POLE: variants seen among roughly 807,000 people sequenced by gnomAD.
POLE encodes DNA polymerase epsilon, catalytic subunit, also known as DNA polymerase epsilon catalytic subunit A.
Under a neutral mutation model 279.2 loss-of-function variants are expected in POLE, and 188 were observed. That is an observed-to-expected ratio of 0.67 (90% CI 0.60 to 0.76). The LOEUF is 0.76. POLE is among the 30% of genes least tolerant of loss of function. POLE has a pLI of 0.00. For synonymous variants in POLE, 1,214 were observed against 1,172.5 expected (o/e 1.04, Z -0.72); for missense variants, 2,703 against 3,016.7 (o/e 0.90, Z 2.44).
chr12:132,676,750 T>TA (rs1188577631), intron 8 of POLE, 97 bp from the exon 9 acceptor site: 1 of 756,650 alleles, frequency 1.3e-6, no homozygotes, highest in Non-Finnish European at 2.3e-6. Flanking sequence ...CTCTGGTTGT[T>TA]AAAAGAGTCA....
intron 31 of POLE, 52 bp downstream of exon 31, chr12:132,649,254 T>A: frequency 6.3e-7 from 1 of 1,576,612 alleles, no homozygotes; most frequent in Non-Finnish European, 8.7e-7. Flanking sequence ...GGACACCCCC[T>A]CCCTGGGCCA....
intron 19 of POLE, 84 bp from the exon 20 acceptor site, chr12:132,667,732 T>C (rs1293536251): frequency 7.7e-6 from 11 of 1,421,764 alleles, no homozygotes; most frequent in Admixed American, 3.5e-5. Flanking sequence ...CTGAAGAACA[T>C]GGCTTCTACG....
intron 31 of POLE, 89 bp from the exon 32 acceptor site, chr12:132,649,161 C>A (rs1312004527): frequency 3.9e-6 from 6 of 1,536,562 alleles, no homozygotes; most frequent in Non-Finnish European, 5.3e-6. Context: ...CAGCTCCCAG[C>A]ACAGGGCCTT....
rs1411134935 is a variant in POLE at position 132,642,623 on chromosome 12, C to G, written c.4835G>C (p.Cys1612Ser). 2 of 1,613,348 alleles carry G rather than the reference C, an allele frequency of 1.2e-6. No individual in the cohort carries two copies. Among genetic ancestry groups the G allele is most frequent in the Non-Finnish European group, 1.7e-6 (2 of 1,180,046 alleles). Residue 1612 changes from cysteine to serine, a missense_variant, in exon 37 of 49, where the codon TGT becomes TCT. By Grantham distance (112) the Cys-to-Ser change is moderately radical (BLOSUM62 -1). This residue lies in a region of POLE where 1,551 missense variants were observed against 1,686.1 expected (regional missense o/e 0.92). Coordinates refer to ENST00000320574, the MANE Select transcript of POLE (RefSeq NM_006231.4). ...CCCATAGTTGATCTTGTCAGCCACA[C>G]AGATAGGCACCAGTGGGAATTCCTC... ...VLEEFPLVPICVADKINYGVL... is the reference protein window; with the variant it reads ...VLEEFPLVPISVADKINYGVL...
Position 132,660,950 on chromosome 12 carries a change from G to A in POLE, c.3060+19C>T, listed in dbSNP as rs2138688104. On this transcript the variant is annotated intron_variant, in intron 25 of 48. Coordinates refer to ENST00000320574, the MANE Select transcript of POLE (RefSeq NM_006231.4). ...CCTTCATCCCTCAGAGCAGGTGAGG[G>A]TGGAGGGTAGGCCTTTACCTTGCTG... is the stretch of plus-strand genomic sequence containing the variant. 2 of 1,571,290 alleles carry A rather than the reference G, an allele frequency of 1.3e-6. No homozygotes were observed. Among genetic ancestry groups the A allele is most frequent in the East Asian group, 2.3e-5 (1 of 44,370 alleles).
At chr12:132,678,982 G>T (rs2043112281) in intron 6 of POLE, among the ~76,000 whole-genome samples, 2 of 152,242 alleles carry the variant, frequency 1.3e-5, no homozygotes, top group African/African-American at 4.8e-5. Context: ...TCTTTTGTCA[G>T]AGGGTAAGGT....
In POLE at chr12:132,659,484, A is replaced by G. The variant is rs1228020822; in HGVS notation, c.3086T>C (p.Leu1029Pro). 1 of 1,614,182 alleles carries G rather than the reference A, an allele frequency of 6.2e-7. No individual in the cohort carries two copies. Among genetic ancestry groups the G allele is most frequent in the Non-Finnish European group, 8.5e-7 (1 of 1,180,040 alleles). ...SKAANMPDSELFELISENRSM... is the reference protein window; with the variant it reads ...SKAANMPDSEPFELISENRSM... ...ACGGTTCTCAGAGATGAGCTCGAAT[A>G]GCTCAGAGTCAGGCATGTTGGCTGC... The change falls in exon 26 of 49, where the codon CTA becomes CCA. Residue 1029 changes from leucine (L) to proline (P), a missense_variant. By Grantham distance (98) the Leu-to-Pro change is moderately conservative. This residue lies in a region of POLE where 1,551 missense variants were observed against 1,686.1 expected (regional missense o/e 0.92). Transcript: ENST00000320574.
Position 132,634,790 on chromosome 12 carries a change from C to T in POLE, c.5812-412G>A, listed in dbSNP as rs901895018. 4.6e-5 allele frequency among the ~76,000 whole-genome samples: 7 copies of T among 152,198 alleles called. No homozygotes were observed. The highest frequency in any genetic ancestry group is 1.7e-4 in the African/African-American group (7 of 41,446). On this transcript the variant is annotated intron_variant, in intron 42 of 48. Coordinates refer to ENST00000320574, the MANE Select transcript of POLE (RefSeq NM_006231.4). The surrounding 1 kb of genome is among the most constrained non-coding windows in gnomAD (Gnocchi z 4.0). ...CGCGCAGCCTGTGTTCGTGCCACGGCACCATCCACGTCTGTGTAGACACCG... is the reference window on the plus strand; with the variant it reads ...CGCGCAGCCTGTGTTCGTGCCACGGTACCATCCACGTCTGTGTAGACACCG...
chr12:132,628,309 C>T (rs557619826), intron 45 of POLE, among the ~76,000 whole-genome samples: 1 of 151,720 alleles, frequency 6.6e-6, no homozygotes, highest in South Asian at 2.1e-4. Flanking sequence ...CACTGCACTC[C>T]AGCCTGGGCG....
At chr12:132,657,819 T>C (rs2042579214) in intron 27 of POLE, 49 bp downstream of exon 27, 1 of 1,285,186 alleles carries the variant, frequency 7.8e-7, no homozygotes, top group African/African-American at 1.5e-5. Flanking sequence ...CTGCTCTGTC[T>C]AGCTTTCCTT....
chr12:132,631,117 G>C (rs5745048), intron 45 of POLE, among the ~76,000 whole-genome samples: 3 of 152,194 alleles, frequency 2.0e-5, no homozygotes, highest in East Asian at 3.8e-4. Context: ...GACACTGCTC[G>C]CAACAGAAAG....
In POLE at chr12:132,675,804, C is replaced by T. The variant is rs1565975676; in HGVS notation, c.1037G>A (p.Arg346Lys). ...NEPDEAHLIQ[R>K]WFEHVQETKP... Reference sequence around the variant, plus strand: ...GGTCTCCTGGACGTGTTCAAACCACCTTTGGATCAGATGAGCCTGAACCCA... The same window carrying T: ...GGTCTCCTGGACGTGTTCAAACCACTTTTGGATCAGATGAGCCTGAACCCA... The change falls in exon 11 of 49, where the codon AGG (arginine) becomes AAG (lysine). Residue 346 changes from arginine (R) to lysine (K), a missense_variant. Coordinates refer to ENST00000320574, the MANE Select transcript of POLE (RefSeq NM_006231.4). The surrounding 1 kb of genome is among the most constrained non-coding windows in gnomAD (Gnocchi z 4.3). 1.9e-6 allele frequency: 3 copies of T among 1,614,114 alleles called. No individual in the cohort carries two copies. The highest frequency in any genetic ancestry group is 2.2e-5 in the East Asian group (1 of 44,882).
intron 29 of POLE, among the ~76,000 whole-genome samples, chr12:132,655,992 G>C (rs930244877): frequency 1.8e-4 from 28 of 151,548 alleles, no homozygotes; most frequent in Non-Finnish European, 3.5e-4. Flanking sequence ...GTGAAACCCC[G>C]TCTCTACTAA....
intron 3 of POLE, 145 bp downstream of exon 3, chr12:132,680,462 T>A (rs993507561): frequency 2.9e-6 from 2 of 698,838 alleles, no homozygotes; most frequent in African/African-American, 3.6e-5. Flanking sequence ...TCTTACGTGA[T>A]GACTGATGGG....
intron 1 of POLE, among the ~76,000 whole-genome samples, chr12:132,683,480 T>G (rs1266070425): frequency 5.9e-5 from 9 of 152,266 alleles, no homozygotes; most frequent in Admixed American, 3.9e-4. Context: ...GAGAATAAAT[T>G]TATATAGTCA....
Position 132,649,676 on chromosome 12 carries a change from C to A in POLE, c.3795+1G>T. The A allele has an allele frequency of 6.2e-7, 1 of 1,613,804 alleles. No homozygotes were observed. Among genetic ancestry groups the A allele is most frequent in the Non-Finnish European group, 8.5e-7 (1 of 1,179,970 alleles). On this transcript the variant is annotated splice_donor_variant, in intron 30 of 48. Coordinates refer to ENST00000320574, the MANE Select transcript of POLE (RefSeq NM_006231.4). LOFTEE classifies it high-confidence loss of function. ...GACAGTATCACAGCTGTGTGCCTTA[C>A]CTGGCTGGTTCCCAGGGCGGGAGGC...
chr12:132,679,280 A>AC (rs2043117698), intron 6 of POLE, among the ~76,000 whole-genome samples: 1 of 152,020 alleles, frequency 6.6e-6, no homozygotes, highest in Non-Finnish European at 1.5e-5. Context: ...CCATAAACCC[A>AC]CCCCTCCATT....
intron 29 of POLE, among the ~76,000 whole-genome samples, chr12:132,656,008 TA>T (rs1000067165): frequency 6.7e-6 from 1 of 149,474 alleles, no homozygotes; most frequent in South Asian, 2.1e-4. Flanking sequence ...ACTAAAAATT[TA>T]AAAAAAAAAT....
In POLE at chr12:132,643,328, T is replaced by G. The variant is rs1475068188; in HGVS notation, c.4447A>C (p.Ser1483Arg). ...LAQFSYLEPGSIRHIYLYHHA... is the reference protein window; with the variant it reads ...LAQFSYLEPGRIRHIYLYHHA... The stretch of plus-strand genomic sequence containing the variant: ...TGGTACAGGTAGATATGGCGGATAC[T>G]CCCTGGAGAAGGAAACAAGACCGTC... The change falls in exon 35 of 49, where the codon AGT becomes CGT. Residue 1483 changes from serine (S) to arginine (R), a missense_variant and splice_region_variant. By Grantham distance (110) the Ser-to-Arg change is moderately radical. Transcript: ENST00000320574. 1 of 1,613,928 alleles carries G rather than the reference T, an allele frequency of 6.2e-7. No individual in the cohort carries two copies. The highest frequency in any genetic ancestry group is 2.2e-5 in the East Asian group (1 of 44,890).
Sources: allele counts gnomAD v4.1 joint callset (sites outside exome capture counted in the v4.1 genomes callset), GRCh38; gene constraint gnomAD v4.1.1; regional missense constraint gnomAD v4.1.1; non-coding constraint Gnocchi (gnomAD v3.1); transcripts MANE v1.5; gene names NCBI Gene and HGNC (gene_info 2026-07-23, HGNC 2026-07-21).